NKAIN2: variants seen among roughly 807,000 people sequenced by gnomAD.
NKAIN2 encodes sodium/potassium-transporting ATPase subunit beta-1-interacting protein 2.
NKAIN2 carries 14 observed loss-of-function variants against 32.6 expected under a neutral mutation model. That is an observed-to-expected ratio of 0.43 (90% CI 0.28 to 0.67). The LOEUF is 0.67. Ranked by LOEUF, NKAIN2 falls within the 30% of genes least tolerant of loss-of-function variation. NKAIN2 has a pLI of 0.17. For missense variants in NKAIN2, 198 were observed against 258.3 expected (o/e 0.77, Z 1.60); for synonymous variants, 80 against 87.2 (o/e 0.92, Z 0.46).
At chr6:124,033,100 C>A (rs953239457) in intron 1 of NKAIN2, among the ~76,000 whole-genome samples, 3 of 151,768 alleles carry the variant, frequency 2.0e-5, no homozygotes, top group African/African-American at 7.3e-5. Context: ...TTTCTTTTAG[C>A]CAAAATGTAG....
chr6:124,401,738 C>A (rs960586786), intron 3 of NKAIN2, among the ~76,000 whole-genome samples: 2 of 151,898 alleles, frequency 1.3e-5, no homozygotes, highest in Non-Finnish European at 2.9e-5. Flanking sequence ...TTTCATGAAA[C>A]CTCTTGATCA....
chr6:124,640,777 C>T (rs1162047391), intron 3 of NKAIN2, among the ~76,000 whole-genome samples: 6 of 152,276 alleles, frequency 3.9e-5, no homozygotes, highest in East Asian at 1.9e-4. Flanking sequence ...CCTGGAAGTT[C>T]GATGAACTTT....
intron 3 of NKAIN2, among the ~76,000 whole-genome samples, chr6:124,365,910 T>G (rs1343685967): frequency 1.3e-5 from 2 of 151,754 alleles, no homozygotes; most frequent in Admixed American, 1.3e-4. Flanking sequence ...TGGAATGGAG[T>G]TTAGAAAGTA....
chr6:124,155,158 C>T (rs932129449), intron 1 of NKAIN2, among the ~76,000 whole-genome samples: 3 of 152,022 alleles, frequency 2.0e-5, no homozygotes, highest in Non-Finnish European at 1.5e-5. Context: ...ATCCCAACAT[C>T]AAGCATGGTA....
At chr6:124,498,819 TAA>T (rs1778170239) in intron 3 of NKAIN2, among the ~76,000 whole-genome samples, 1 of 152,220 alleles carries the variant, frequency 6.6e-6, no homozygotes, top group African/African-American at 2.4e-5. Flanking sequence ...ATAAACATTT[TAA>T]AGTCATTTCG....
At chr6:124,570,118 G>C (rs1035363488) in intron 3 of NKAIN2, among the ~76,000 whole-genome samples, 3 of 152,166 alleles carry the variant, frequency 2.0e-5, no homozygotes, top group Non-Finnish European at 2.9e-5. Context: ...TTGAACATGA[G>C]AGCGTTGATT....
chr6:124,735,068 A>G (rs1190743312), intron 4 of NKAIN2, among the ~76,000 whole-genome samples: 1 of 151,938 alleles, frequency 6.6e-6, no homozygotes, highest in African/African-American at 2.4e-5. Flanking sequence ...GAAATGTTGA[A>G]AAATATGAGA....
chr6:124,163,788 AG>A (rs1292308990), intron 1 of NKAIN2, among the ~76,000 whole-genome samples: 3 of 152,070 alleles, frequency 2.0e-5, no homozygotes, highest in African/African-American at 7.2e-5. Flanking sequence ...GATTAAAGAC[AG>A]CTGTGATCAT....
intron 1 of NKAIN2, among the ~76,000 whole-genome samples, chr6:124,151,576 A>G (rs1159152841): frequency 6.6e-6 from 1 of 151,982 alleles, no homozygotes; most frequent in Non-Finnish European, 1.5e-5. Flanking sequence ...GAGAGTGCAT[A>G]TTTTTTTGTG....
intron 1 of NKAIN2, among the ~76,000 whole-genome samples, chr6:123,867,012 C>T (rs977818920): frequency 1.3e-5 from 2 of 152,108 alleles, no homozygotes; most frequent in African/African-American, 4.8e-5. Context: ...ACATAAATGA[C>T]TTCTCATTCC....
intron 1 of NKAIN2, among the ~76,000 whole-genome samples, chr6:123,980,015 TTTAA>T (rs374871577): frequency 6.6e-6 from 1 of 152,176 alleles, no homozygotes; most frequent in Non-Finnish European, 1.5e-5. Flanking sequence ...CAGTGATTGG[TTTAA>T]TTAGTTTGTG....
chr6:123,842,675 T>G (rs902762271), intron 1 of NKAIN2, among the ~76,000 whole-genome samples: 1 of 142,182 alleles, frequency 7.0e-6, no homozygotes, highest in Non-Finnish European at 1.5e-5. Context: ...TATGTTTTTG[T>G]TTTTTTTTTC....
intron 1 of NKAIN2, among the ~76,000 whole-genome samples, chr6:123,939,843 C>T (rs1050145264): frequency 3.3e-5 from 5 of 151,922 alleles, no homozygotes; most frequent in Middle Eastern, 3.4e-3. Context: ...GTTGTCCCAG[C>T]GGTGCTCTCC....
At chr6:124,233,062 G>T (rs1055024378) in intron 1 of NKAIN2, among the ~76,000 whole-genome samples, 13 of 152,020 alleles carry the variant, frequency 8.6e-5, no homozygotes, top group African/African-American at 3.1e-4. Flanking sequence ...ACCAGTCTGG[G>T]CCTGAGAAAT....
intron 1 of NKAIN2, among the ~76,000 whole-genome samples, chr6:124,274,541 T>C (rs1794938907): frequency 6.6e-6 from 1 of 152,134 alleles, no homozygotes; most frequent in Admixed American, 6.5e-5. Flanking sequence ...GTTGAAGTCA[T>C]GGCCATGGAA....
Position 123,807,076 on chromosome 6 carries a change from A to G in NKAIN2, c.54+2822A>G, listed in dbSNP as rs181804903. Among the ~76,000 whole-genome samples, 3 of 152,132 alleles carry G rather than the reference A, an allele frequency of 2.0e-5. No homozygotes were observed. In the East Asian group the frequency reaches 5.8e-4, roughly 29 times the overall value. ...TCTTCAGAGACATTTACCTGTCAGA[A>G]TTCTATATCTGTGCTTTAAATTAGT... is the stretch of plus-strand genomic sequence containing the variant. On this transcript the variant is annotated intron_variant, in intron 1 of 6. Transcript: ENST00000368417.
At chr6:124,630,816 G>C (rs961133679) in intron 3 of NKAIN2, among the ~76,000 whole-genome samples, 1 of 152,050 alleles carries the variant, frequency 6.6e-6, no homozygotes, top group Non-Finnish European at 1.5e-5. Flanking sequence ...CAGTCCACGC[G>C]AAGTAACAAT....
intron 3 of NKAIN2, among the ~76,000 whole-genome samples, chr6:124,610,315 CCGTCAGT>C (rs1782645057): frequency 1.3e-5 from 2 of 152,126 alleles, no homozygotes; most frequent in African/African-American, 4.8e-5. Context: ...TAACACATAA[CCGTCAGT>C]CAAAATATGT....
chr6:124,240,928 A>T (rs1793058021), intron 1 of NKAIN2, among the ~76,000 whole-genome samples: 1 of 152,154 alleles, frequency 6.6e-6, no homozygotes, highest in African/African-American at 2.4e-5. Flanking sequence ...ATGGTATTCA[A>T]ATAGGAAGAG....
Sources: allele counts gnomAD v4.1 joint callset (sites outside exome capture counted in the v4.1 genomes callset), GRCh38; gene constraint gnomAD v4.1.1; transcripts MANE v1.5; gene names NCBI Gene and HGNC (gene_info 2026-07-23, HGNC 2026-07-21).